Variants in KAT7 observed in about 807,000 individuals in gnomAD.
KAT7 encodes the protein histone acetyltransferase KAT7.
Under a neutral mutation model 82.1 loss-of-function variants are expected in KAT7, and 10 were observed. The ratio of observed to expected loss-of-function variants is 0.12; its 90% CI spans 0.08 to 0.21. The LOEUF (loss-of-function observed/expected upper bound fraction) is 0.21, where lower values mean the gene tolerates loss of function less well. KAT7 is among the 10% of genes least tolerant of loss of function. The pLI, the probability that KAT7 is intolerant of heterozygous loss-of-function variation, is 1.00. For missense variants in KAT7, 378 were observed against 760.9 expected (o/e 0.50, Z 5.92); for synonymous variants, 250 against 262.5 (o/e 0.95, Z 0.46).
rs1404672762 is a variant in KAT7, at chr17:49,829,361, A to G, written c.*1859A>G. 1 of 152,204 alleles carries G rather than the reference A, an allele frequency of 6.6e-6. No homozygotes were observed. The highest frequency in any genetic ancestry group is 1.5e-5 in the Non-Finnish European group (1 of 68,042). The allele number at this position is 152,204 out of a possible 1,614,324, so 9.4% of individuals were successfully genotyped here. A position where few individuals can be genotyped will look rare whatever the true frequency, so the allele number is the denominator to read the frequency against. ...TCAGTATACGTAGCAATGATTAGTCAGTATTACCCATTCTTTCACTAAGTG... is the reference window on the plus strand; with the variant it reads ...TCAGTATACGTAGCAATGATTAGTCGGTATTACCCATTCTTTCACTAAGTG... On this transcript the variant is annotated 3_prime_UTR_variant, in exon 15 of 15. Transcript: ENST00000259021.
chr17:49,812,684 GTCTTTT>G (rs1312069143), intron 7 of KAT7, among the ~76,000 whole-genome samples: 1 of 152,018 alleles, frequency 6.6e-6, no homozygotes, highest in East Asian at 1.9e-4. Context: ...TTCTTTCACA[GTCTTTT>G]TCTTTTTCTT....
chr17:49,808,826 A>C (rs946482186), intron 5 of KAT7, among the ~76,000 whole-genome samples: 9 of 152,114 alleles, frequency 5.9e-5, no homozygotes, highest in African/African-American at 2.2e-4. Context: ...TTTTTAATTT[A>C]TTTATTGTAC....
chr17:49,809,667 C>T (rs911160249), intron 6 of KAT7, among the ~76,000 whole-genome samples: 1 of 152,184 alleles, frequency 6.6e-6, no homozygotes, highest in African/African-American at 2.4e-5. Flanking sequence ...GGTCCTAAAC[C>T]TCCTCCTGCC....
At chr17:49,799,497 C>A (rs926439052) in intron 4 of KAT7, among the ~76,000 whole-genome samples, 1 of 152,128 alleles carries the variant, frequency 6.6e-6, no homozygotes, top group Non-Finnish European at 1.5e-5. Context: ...TCTCCTGCTT[C>A]AACCTCCTGA....
In KAT7 at chr17:49,827,660, A is replaced by G; in HGVS notation, c.*158A>G. 1 of 612,146 alleles carries G rather than the reference A, an allele frequency of 1.6e-6. No homozygotes were observed. The highest frequency in any genetic ancestry group is 2.9e-6 in the Non-Finnish European group (1 of 342,066). 37.9% of individuals were successfully genotyped at this position (612,146 alleles called of 1,614,324 possible). A position where few individuals can be genotyped will look rare whatever the true frequency, so the allele number is the denominator to read the frequency against. ...TGTCCTGGCTCCGACCTTTGTGTACACTGCAGACGCTGGTTCTGAGGAACT... is the reference window on the plus strand; with the variant it reads ...TGTCCTGGCTCCGACCTTTGTGTACGCTGCAGACGCTGGTTCTGAGGAACT... On this transcript the variant is annotated 3_prime_UTR_variant, in exon 15 of 15. Coordinates refer to ENST00000259021, the MANE Select transcript of KAT7 (RefSeq NM_007067.5).
intron 4 of KAT7, among the ~76,000 whole-genome samples, chr17:49,802,685 A>G (rs1408954650): frequency 6.6e-6 from 1 of 150,942 alleles, no homozygotes; most frequent in Non-Finnish European, 1.5e-5. Context: ...AAAAAAAAAG[A>G]CGTATGGATA....
At chr17:49,789,140 T>A (rs2073849054) in intron 1 of KAT7, 5 of 300,374 alleles carry the variant, frequency 1.7e-5, no homozygotes, top group Non-Finnish European at 1.9e-5. Flanking sequence ...GCCGCCTGTT[T>A]GGGCTCAACG....
In KAT7 at chr17:49,803,388, G is replaced by A. The variant is rs142483816; in HGVS notation, c.581-1975G>A. ...GCTAGGATTACAGGTGTGAGCCACC[G>A]TGCCTGGCCCTAAAATTGCATTTTT... On this transcript the variant is annotated intron_variant, in intron 4 of 14. Transcript: ENST00000259021. 6.6e-3 allele frequency among the ~76,000 whole-genome samples: 997 copies of A among 151,972 alleles called. 13 individuals carry two copies. Among genetic ancestry groups the A allele is most frequent in the African/African-American group, 0.023 (948 of 41,434 alleles).
At chr17:49,802,032 C>A (rs143222400) in intron 4 of KAT7, among the ~76,000 whole-genome samples, 1 of 152,186 alleles carries the variant, frequency 6.6e-6, no homozygotes, top group East Asian at 1.9e-4. Context: ...ATTCATAAAA[C>A]GGAAAATAGG....
Position 49,788,739 on chromosome 17 carries a change from A to C in KAT7, c.-96A>C. The C allele has an allele frequency of 7.3e-7, 1 of 1,370,528 alleles. No homozygotes were observed. The highest frequency in any genetic ancestry group is 1.0e-6 in the Non-Finnish European group (1 of 997,662). The allele number at this position is 1,370,528 out of a possible 1,614,324, so 84.9% of individuals were successfully genotyped here. Reference sequence around the variant, plus strand: ...ACTAGGGATCGTCCGCAGGATTGGGACTGATACAGAGGCCGCCACGGAGCC... The same window carrying C: ...ACTAGGGATCGTCCGCAGGATTGGGCCTGATACAGAGGCCGCCACGGAGCC... On this transcript the variant is annotated 5_prime_UTR_variant, in exon 1 of 15. Transcript: ENST00000259021.
At chr17:49,812,861 C>T (rs146518644) in intron 7 of KAT7, among the ~76,000 whole-genome samples, 3,580 of 152,024 alleles carry the variant, frequency 0.024, 135 homozygotes, top group African/African-American at 0.081. Flanking sequence ...CACCACCACA[C>T]CCGGCTAATT....
At chr17:49,812,289 A>T (rs925175756) in intron 7 of KAT7, among the ~76,000 whole-genome samples, 1 of 149,232 alleles carries the variant, frequency 6.7e-6, no homozygotes, top group Non-Finnish European at 1.5e-5. Flanking sequence ...CAGTGGCACA[A>T]TCTCGGCTCA....
chr17:49,820,203 C>T (rs1003638479), intron 9 of KAT7, among the ~76,000 whole-genome samples: 2 of 151,900 alleles, frequency 1.3e-5, no homozygotes, highest in African/African-American at 2.4e-5. Flanking sequence ...GAGCTATGAT[C>T]GTGCTATTTC....
At chr17:49,804,830 T>C (rs2074071848) in intron 4 of KAT7, among the ~76,000 whole-genome samples, 1 of 152,104 alleles carries the variant, frequency 6.6e-6, no homozygotes, top group Non-Finnish European at 1.5e-5. Flanking sequence ...CAGTTCTCCC[T>C]CCAAAAAATA....
At chr17:49,827,209 A>G in intron 14 of KAT7, 192 bp from the exon 15 acceptor site, 1 of 554,032 alleles carries the variant, frequency 1.8e-6, no homozygotes, top group Non-Finnish European at 3.2e-6. Flanking sequence ...TTCATTTCTC[A>G]CTGAGGGTAA....
chr17:49,818,124 A>C (rs2074256434), intron 9 of KAT7, 113 bp downstream of exon 9: 1 of 754,598 alleles, frequency 1.3e-6, no homozygotes. Context: ...GGTCCTCAGC[A>C]GTGGGATGAA....
intron 7 of KAT7, 182 bp from the exon 8 acceptor site, chr17:49,815,621 T>A: frequency 4.4e-6 from 2 of 454,188 alleles, no homozygotes; most frequent in Non-Finnish European, 7.8e-6. Flanking sequence ...GGGTGGGTAG[T>A]GGGAGTCTTG....
intron 2 of KAT7, among the ~76,000 whole-genome samples, chr17:49,796,403 T>C (rs972102552): frequency 2.6e-5 from 4 of 152,208 alleles, no homozygotes; most frequent in Admixed American, 2.6e-4. Flanking sequence ...CACAGTGTTA[T>C]GAGGAATGTG....
intron 4 of KAT7, among the ~76,000 whole-genome samples, chr17:49,803,293 G>A (rs1161899864): frequency 6.7e-6 from 1 of 150,008 alleles, no homozygotes; most frequent in East Asian, 2.0e-4. Flanking sequence ...ATTTTTTTAA[G>A]TAGAGATGGA....
Sources: allele counts gnomAD v4.1 joint callset (sites outside exome capture counted in the v4.1 genomes callset), GRCh38; gene constraint gnomAD v4.1.1; transcripts MANE v1.5; gene names NCBI Gene and HGNC (gene_info 2026-07-23, HGNC 2026-07-21).